Variants in MICAL2 observed in about 807,000 individuals in gnomAD.
MICAL2 encodes the protein [F-actin]-monooxygenase MICAL2.
MICAL2 carries 77 observed loss-of-function variants against 127.3 expected under a neutral mutation model. That is an observed-to-expected ratio of 0.60 (90% CI 0.50 to 0.73). The LOEUF (loss-of-function observed/expected upper bound fraction) is 0.73, where lower values mean the gene tolerates loss of function less well. Among genes scored for constraint, MICAL2 ranks in the 30% least tolerant of loss-of-function variants. The pLI is 0.00. For missense variants in MICAL2, 1,351 were observed against 1,434.4 expected (o/e 0.94, Z 0.94); for synonymous variants, 570 against 551.1 (o/e 1.03, Z -0.48).
In MICAL2 at chr11:12,162,439, G is replaced by C; in HGVS notation, c.264+20G>C. 6.2e-7 allele frequency: 1 copy of C among 1,612,248 alleles called. No homozygotes were observed. The highest frequency in any genetic ancestry group is 8.5e-7 in the Non-Finnish European group (1 of 1,178,662). ...ACCAAGGTAAGGGGAAACCCTCCTA[G>C]TCTTACCTTTGCAGGGCGTGTGGGT... On this transcript the variant is annotated intron_variant, in intron 3 of 27. Coordinates refer to ENST00000683283, the MANE Select transcript of MICAL2 (RefSeq NM_001282663.2).
At chr11:12,254,268 G>T (rs541876263) in intron 22 of MICAL2, 1 of 152,176 alleles carries the variant, frequency 6.6e-6, no homozygotes, top group Non-Finnish European at 1.5e-5. Context: ...ACATTCTCTC[G>T]TGCAGTCCTT....
At chr11:12,357,121 T>C (rs926046573) in intron 34 of MICAL2, among the ~76,000 whole-genome samples, 8 of 152,182 alleles carry the variant, frequency 5.3e-5, no homozygotes, top group Non-Finnish European at 1.2e-4. Context: ...TCATCAGACC[T>C]ACCTGCTTCC....
At chr11:12,320,042 A>C (rs1406281401) in intron 30 of MICAL2, among the ~76,000 whole-genome samples, 1 of 152,166 alleles carries the variant, frequency 6.6e-6, no homozygotes, top group Non-Finnish European at 1.5e-5. Context: ...AAAAAAAAAG[A>C]CATATTTACT....
At chr11:12,269,816 GT>G (rs1166226812) in intron 24 of MICAL2, among the ~76,000 whole-genome samples, 2 of 152,262 alleles carry the variant, frequency 1.3e-5, no homozygotes, top group Admixed American at 1.3e-4. Context: ...AGTGGAGGGT[GT>G]GTCCGTGTGT....
At chr11:12,331,045 G>C (rs1210243095) in intron 32 of MICAL2, among the ~76,000 whole-genome samples, 1 of 152,032 alleles carries the variant, frequency 6.6e-6, no homozygotes, top group Non-Finnish European at 1.5e-5. Context: ...ATTCCTGGGG[G>C]CCCTACCACC....
chr11:12,249,280 C>T (rs1341977330), intron 22 of MICAL2, 34 bp downstream of exon 22: 1 of 1,281,020 alleles, frequency 7.8e-7, no homozygotes, highest in Non-Finnish European at 1.1e-6. Context: ...TCAGCTGCCT[C>T]ACCTGCAAAG....
intron 3 of MICAL2, among the ~76,000 whole-genome samples, chr11:12,183,791 AT>A (rs1002273574): frequency 2.6e-5 from 4 of 151,696 alleles, no homozygotes; most frequent in African/African-American, 9.7e-5. Context: ...ACTTTTTTTT[AT>A]TTTTTTGAGA....
At chr11:12,301,013 G>A (rs1418016092) in intron 29 of MICAL2, among the ~76,000 whole-genome samples, 8 of 152,192 alleles carry the variant, frequency 5.3e-5, no homozygotes, top group Non-Finnish European at 1.2e-4. Flanking sequence ...GGACTTAACA[G>A]TTCCACATGG....
At chr11:12,168,214 T>C (rs1855760278) in intron 3 of MICAL2, among the ~76,000 whole-genome samples, 1 of 149,378 alleles carries the variant, frequency 6.7e-6, no homozygotes, top group Non-Finnish European at 1.5e-5. Flanking sequence ...TAGTCACACA[T>C]ATACACACAT....
downstream of MICAL2, among the ~76,000 whole-genome samples, chr11:12,359,543 G>T (rs1461611823): frequency 6.6e-6 from 1 of 152,084 alleles, no homozygotes; most frequent in Non-Finnish European, 1.5e-5. Flanking sequence ...CTTAGAGGGA[G>T]GGCTGAATGC....
chr11:12,213,075 T>A (rs1855700903), intron 6 of MICAL2, among the ~76,000 whole-genome samples, 180 bp from the exon 7 acceptor site: 1 of 142,786 alleles, frequency 7.0e-6, no homozygotes, highest in South Asian at 2.2e-4. Flanking sequence ...ACAGTCTCAC[T>A]GACTTTTAAA....
chr11:12,130,059 G>A (rs1171033898), intron 1 of MICAL2, among the ~76,000 whole-genome samples: 1 of 152,058 alleles, frequency 6.6e-6, no homozygotes. Flanking sequence ...TGTTACTCCC[G>A]AACTAAGCAC....
intron 2 of MICAL2, among the ~76,000 whole-genome samples, chr11:12,281,682 C>T (rs1306612577): frequency 6.6e-6 from 1 of 152,200 alleles, no homozygotes; most frequent in Non-Finnish European, 1.5e-5. Context: ...CAGGATGACC[C>T]TGTGGGGTAA....
intron 7 of MICAL2, among the ~76,000 whole-genome samples, chr11:12,214,534 C>G (rs914588646): frequency 6.6e-5 from 10 of 152,220 alleles, no homozygotes; most frequent in Non-Finnish European, 1.0e-4. Flanking sequence ...GATGTATTGT[C>G]ACTGCCTAAG....
chr11:12,330,875 G>C (rs1163563440), intron 32 of MICAL2, among the ~76,000 whole-genome samples: 18 of 142,444 alleles, frequency 1.3e-4, no homozygotes, highest in Admixed American at 2.8e-4. Flanking sequence ...GAGAGAGAGA[G>C]AGAGAGACAG....
intron 1 of MICAL2, among the ~76,000 whole-genome samples, chr11:12,129,281 A>T (rs1300523247): frequency 6.6e-6 from 1 of 152,170 alleles, no homozygotes; most frequent in Non-Finnish European, 1.5e-5. Context: ...GGATTTGGAA[A>T]ATGTCTGATA....
At chr11:12,123,372 G>A (rs936408545) in intron 1 of MICAL2, among the ~76,000 whole-genome samples, 2 of 152,140 alleles carry the variant, frequency 1.3e-5, no homozygotes, top group African/African-American at 4.8e-5. Context: ...GTCAGGTGGG[G>A]ATGTATTTCT....
At chr11:12,221,444 G>T (rs927507361) in intron 9 of MICAL2, among the ~76,000 whole-genome samples, 200 bp from the exon 10 acceptor site, 15 of 152,168 alleles carry the variant, frequency 9.9e-5, no homozygotes, top group African/African-American at 3.4e-4. Flanking sequence ...CTGCGTCATA[G>T]CACCCTTTAC....
intron 2 of MICAL2, among the ~76,000 whole-genome samples, chr11:12,150,978 G>A (rs191980933): frequency 2.6e-5 from 4 of 152,230 alleles, no homozygotes; most frequent in East Asian, 1.9e-4. Context: ...TGGGCTCAGC[G>A]CTGTGAGAGG....
Sources: gnomAD v4.1 joint callset for allele counts (sites outside exome capture counted in the v4.1 genomes callset) on GRCh38, gnomAD v4.1.1 for gene constraint, MANE v1.5 for transcripts, NCBI Gene and HGNC (gene_info 2026-07-23, HGNC 2026-07-21) for gene names.